CA10: variants seen among roughly 807,000 people sequenced by gnomAD.
CA10 encodes carbonic anhydrase-related protein 10.
A neutral mutation model predicts 44.2 loss-of-function variants in CA10; 14 were observed. That is an observed-to-expected ratio of 0.32 (90% CI 0.21 to 0.50). CA10 has a LOEUF of 0.50. Ranked by LOEUF, CA10 falls within the 20% of genes least tolerant of loss-of-function variation. The pLI, the probability that CA10 is intolerant of heterozygous loss-of-function variation, is 0.99. For synonymous variants in CA10, 159 were observed against 141.6 expected (o/e 1.12, Z -0.87); for missense variants, 350 against 409.7 (o/e 0.85, Z 1.26).
intron 2 of CA10, among the ~76,000 whole-genome samples, chr17:51,979,296 A>C (rs2144084159): frequency 6.6e-6 from 1 of 152,282 alleles, no homozygotes; most frequent in South Asian, 2.1e-4. Context: ...TACCCAGAAC[A>C]AATATCTTAG....
At chr17:51,689,552 GTTA>G (rs1188305257) in intron 4 of CA10, among the ~76,000 whole-genome samples, 1 of 152,184 alleles carries the variant, frequency 6.6e-6, no homozygotes, top group African/African-American at 2.4e-5. Context: ...TAATAATGGG[GTTA>G]TTGAGATATA....
intron 4 of CA10, among the ~76,000 whole-genome samples, chr17:51,687,742 TA>T (rs1915054547): frequency 6.6e-6 from 1 of 152,240 alleles, no homozygotes; most frequent in Admixed American, 6.5e-5. Flanking sequence ...CTTGCTCTTA[TA>T]AAATGCTATT....
intron 3 of CA10, among the ~76,000 whole-genome samples, chr17:51,831,198 C>T (rs915718806): frequency 2.6e-5 from 4 of 152,196 alleles, no homozygotes; most frequent in African/African-American, 9.7e-5. Context: ...GAAACAGTTC[C>T]CATGGCATGG....
At chr17:51,643,086 G>C (rs919672231) in intron 6 of CA10, among the ~76,000 whole-genome samples, 3 of 152,204 alleles carry the variant, frequency 2.0e-5, no homozygotes, top group Admixed American at 2.0e-4. Flanking sequence ...TATATGCAGT[G>C]TTCTAATAAC....
chr17:51,795,205 A>T (rs1323789063), intron 3 of CA10, among the ~76,000 whole-genome samples: 1 of 152,194 alleles, frequency 6.6e-6, no homozygotes, highest in African/African-American at 2.4e-5. Context: ...ATTTCTAAAA[A>T]TGCACTTCCT....
chr17:51,680,886 C>T (rs1914822969), intron 4 of CA10, among the ~76,000 whole-genome samples: 1 of 151,768 alleles, frequency 6.6e-6, no homozygotes, highest in African/African-American at 2.4e-5. Flanking sequence ...GATGCTATTG[C>T]TTGGCAGTGA....
chr17:51,769,532 G>A (rs1012334870), intron 3 of CA10, among the ~76,000 whole-genome samples: 6 of 152,072 alleles, frequency 3.9e-5, no homozygotes, highest in African/African-American at 1.4e-4. Context: ...AAACATTTCT[G>A]GGAAGGAAAT....
intron 2 of CA10, among the ~76,000 whole-genome samples, chr17:51,969,991 G>A (rs1984221875): frequency 6.6e-6 from 1 of 152,018 alleles, no homozygotes; most frequent in Non-Finnish European, 1.5e-5. Flanking sequence ...GTTACTGAGT[G>A]AGCTGTTTGT....
At chr17:52,041,114 A>G (rs537479482) in intron 2 of CA10, among the ~76,000 whole-genome samples, 1 of 152,216 alleles carries the variant, frequency 6.6e-6, no homozygotes, top group African/African-American at 2.4e-5. Context: ...CCAAGCCTAC[A>G]AGAGATTCCA....
At chr17:51,633,064 T>C (rs1238627518) in intron 8 of CA10, among the ~76,000 whole-genome samples, 1 of 152,092 alleles carries the variant, frequency 6.6e-6, no homozygotes, top group Non-Finnish European at 1.5e-5. Flanking sequence ...TTCTAACAGA[T>C]AACCTTGGGA....
chr17:51,989,588 G>A (rs1000944824), intron 2 of CA10, among the ~76,000 whole-genome samples: 2 of 152,052 alleles, frequency 1.3e-5, no homozygotes, highest in South Asian at 4.1e-4. Flanking sequence ...TAAAGAAAAT[G>A]TGGTACCTAT....
chr17:51,864,797 T>C (rs1230365687), intron 3 of CA10, among the ~76,000 whole-genome samples: 3 of 152,186 alleles, frequency 2.0e-5, no homozygotes, highest in Non-Finnish European at 4.4e-5. Flanking sequence ...ATAAACAACA[T>C]GCAGGCTCAC....
At position 51,859,746 on chromosome 17, in the gene CA10, G is replaced by T. The variant is rs184129228; in HGVS notation, c.279+71244C>A. ...CACAGGGTTTTTGTGAAGACTAAAA[G>T]ACGTGATGCAAAAGGGCATTGTAAA... is the stretch of plus-strand genomic sequence containing the variant. On this transcript the variant is annotated intron_variant, in intron 3 of 8. Transcript: ENST00000451037. 2.0e-5 allele frequency among the ~76,000 whole-genome samples: 3 copies of T among 152,268 alleles called. No homozygotes were observed. In the East Asian group the frequency reaches 5.8e-4, roughly 29 times the overall value.
intron 1 of CA10, among the ~76,000 whole-genome samples, chr17:52,104,599 A>G (rs1051411541): frequency 2.6e-5 from 4 of 152,144 alleles, no homozygotes; most frequent in African/African-American, 7.2e-5. Flanking sequence ...TCCCACCCCT[A>G]GATCCAACCC....
intron 3 of CA10, among the ~76,000 whole-genome samples, chr17:51,884,193 T>C (rs1260100871): frequency 1.3e-5 from 2 of 152,220 alleles, no homozygotes; most frequent in African/African-American, 2.4e-5. Flanking sequence ...ATTGTTGTAA[T>C]GGCCTTTTCA....
chr17:51,677,191 C>T (rs1914653702), intron 4 of CA10, among the ~76,000 whole-genome samples: 1 of 152,132 alleles, frequency 6.6e-6, no homozygotes, highest in Admixed American at 6.5e-5. Context: ...TGGTTTGGGT[C>T]TGTGTCCCCA....
intron 4 of CA10, among the ~76,000 whole-genome samples, chr17:51,738,557 C>T (rs1916987816): frequency 6.6e-6 from 1 of 152,166 alleles, no homozygotes; most frequent in African/African-American, 2.4e-5. Flanking sequence ...TCACATTTAT[C>T]TCAATCAGGC....
chr17:51,828,992 A>C (rs1908131612), intron 3 of CA10, among the ~76,000 whole-genome samples: 1 of 152,208 alleles, frequency 6.6e-6, no homozygotes, highest in Non-Finnish European at 1.5e-5. Flanking sequence ...TGATTTTATT[A>C]AGATGTCTGG....
Position 52,017,783 on chromosome 17 carries a change from G to A in CA10, c.136+54536C>T, listed in dbSNP as rs565196939. Among the ~76,000 whole-genome samples, 10 of 152,174 alleles carry A rather than the reference G, an allele frequency of 6.6e-5. No individual in the cohort carries two copies. The South Asian group carries it at 1.7e-3, about 25-fold the overall frequency. The stretch of plus-strand genomic sequence containing the variant: ...CTAGAGACATTCACATGACTAAATG[G>A]TAGTCATGCACTCGTAGCCAAGACA... On this transcript the variant is annotated intron_variant, in intron 2 of 8. Coordinates refer to ENST00000451037, the MANE Select transcript of CA10 (RefSeq NM_020178.5).
Sources: gnomAD v4.1 joint callset for allele counts (sites outside exome capture counted in the v4.1 genomes callset) on GRCh38, gnomAD v4.1.1 for gene constraint, MANE v1.5 for transcripts, NCBI Gene and HGNC (gene_info 2026-07-23, HGNC 2026-07-21) for gene names.